The following HS3ST4 variants were observed in gnomAD, a reference collection of about 807,000 sequenced individuals.
HS3ST4 encodes the protein heparan sulfate-glucosamine 3-sulfotransferase 4.
Under a neutral mutation model 29.2 loss-of-function variants are expected in HS3ST4, and 17 were observed. The observed-to-expected ratio is 0.58, with a 90% CI of 0.40 to 0.87. The LOEUF is 0.87. HS3ST4 is among the 40% of genes least tolerant of loss of function. The pLI is 0.00. For missense variants in HS3ST4, 627 were observed against 634.5 expected (o/e 0.99, Z 0.13); for synonymous variants, 314 against 285.7 (o/e 1.10, Z -1.00).
At chr16:25,957,953 G>T (rs758752838) in intron 1 of HS3ST4, among the ~76,000 whole-genome samples, 1 of 152,094 alleles carries the variant, frequency 6.6e-6, no homozygotes, top group South Asian at 2.1e-4. Context: ...TTCTTGTAAG[G>T]AGGTCTCACA....
At chr16:25,794,973 C>CTTT (rs58579462) in intron 1 of HS3ST4, among the ~76,000 whole-genome samples, 13,721 of 125,968 alleles carry the variant, frequency 0.11, 1,145 homozygotes, top group East Asian at 0.2. Context: ...TTTTTCTTTA[C>CTTT]TTTTTTTTTT....
chr16:25,777,699 C>T (rs1401287280), intron 1 of HS3ST4, among the ~76,000 whole-genome samples: 1 of 152,108 alleles, frequency 6.6e-6, no homozygotes, highest in African/African-American at 2.4e-5. Context: ...ACCCAGGAGA[C>T]AGAAGTTGCA....
chr16:25,930,482 G>C (rs1000949090), intron 1 of HS3ST4, among the ~76,000 whole-genome samples: 1 of 152,168 alleles, frequency 6.6e-6, no homozygotes, highest in Non-Finnish European at 1.5e-5. Context: ...TTTGCCTAAT[G>C]CTTTAGAATT....
chr16:26,019,387 T>C (rs1289656793), intron 1 of HS3ST4, among the ~76,000 whole-genome samples: 1 of 152,244 alleles, frequency 6.6e-6, no homozygotes, highest in Non-Finnish European at 1.5e-5. Flanking sequence ...CATACAATAT[T>C]CTTATTAATC....
intron 1 of HS3ST4, among the ~76,000 whole-genome samples, chr16:25,753,892 G>A (rs898189769): frequency 2.6e-5 from 4 of 151,988 alleles, no homozygotes; most frequent in Admixed American, 6.6e-5. Flanking sequence ...CTGACACAAC[G>A]GTAGGTATAG....
intron 1 of HS3ST4, among the ~76,000 whole-genome samples, chr16:25,828,298 TTCCCTCTCTCTCTC>T (rs1967252696): frequency 1.1e-4 from 3 of 27,886 alleles, no homozygotes; most frequent in African/African-American, 2.9e-4. Context: ...CTTTCTTTCT[TTCCCTCTCTCTCTC>T]TCTCTCTCTC....
chr16:26,071,438 C>T (rs1188172830), intron 1 of HS3ST4, among the ~76,000 whole-genome samples: 1 of 152,120 alleles, frequency 6.6e-6, no homozygotes, highest in Non-Finnish European at 1.5e-5. Context: ...GGAAGTATTT[C>T]AGTGCTTCAA....
At chr16:25,976,921 T>C (rs1968949184) in intron 1 of HS3ST4, among the ~76,000 whole-genome samples, 1 of 25,938 alleles carries the variant, frequency 3.9e-5, no homozygotes, top group Non-Finnish European at 1.1e-4. Context: ...AAATTGCATG[T>C]AATTTTCACG....
intron 1 of HS3ST4, among the ~76,000 whole-genome samples, chr16:25,949,067 T>C (rs1270750043): frequency 1.3e-5 from 2 of 151,328 alleles, no homozygotes; most frequent in African/African-American, 4.9e-5. Context: ...TTTTTTAAAG[T>C]ATTTTTAGTT....
intron 1 of HS3ST4, among the ~76,000 whole-genome samples, chr16:25,904,486 G>A (rs1263305742): frequency 6.6e-6 from 1 of 152,118 alleles, no homozygotes; most frequent in African/African-American, 2.4e-5. Flanking sequence ...TAAATGGGAA[G>A]CATAAATCTC....
intron 1 of HS3ST4, among the ~76,000 whole-genome samples, chr16:25,940,201 AT>A (rs10577362): frequency 0.36 from 52,765 of 146,052 alleles, 9,724 homozygotes; most frequent in Admixed American, 0.47. Context: ...TCCAGATTTG[AT>A]TTTTTTTTTT....
At chr16:25,733,320 T>A (rs575251109) in intron 1 of HS3ST4, among the ~76,000 whole-genome samples, 29 of 152,318 alleles carry the variant, frequency 1.9e-4, no homozygotes, top group African/African-American at 6.5e-4. Context: ...CTTGTGAGCA[T>A]CTTGGTGGAG....
chr16:25,964,477 G>A (rs957115014), intron 1 of HS3ST4, among the ~76,000 whole-genome samples: 1 of 152,164 alleles, frequency 6.6e-6, no homozygotes, highest in Non-Finnish European at 1.5e-5. Context: ...TGAGATACTT[G>A]ATGTGTTTCA....
chr16:26,000,333 A>G (rs1380074520), intron 1 of HS3ST4, among the ~76,000 whole-genome samples: 10 of 152,160 alleles, frequency 6.6e-5, no homozygotes, highest in Admixed American at 6.6e-4. Context: ...TGATCTCTCT[A>G]CTTTTTGACA....
intron 1 of HS3ST4, among the ~76,000 whole-genome samples, chr16:26,072,081 A>G (rs1359379079): frequency 6.6e-6 from 1 of 152,160 alleles, no homozygotes. Flanking sequence ...GAATAGTTTG[A>G]GAAAGTCAGC....
At chr16:25,888,143 C>A (rs116274676) in intron 1 of HS3ST4, among the ~76,000 whole-genome samples, 5,535 of 152,122 alleles carry the variant, frequency 0.036, 134 homozygotes, top group African/African-American at 0.059. Context: ...AGTTGGCCTC[C>A]GCAGAGCAAG....
chr16:25,932,287 C>A (rs902620557), intron 1 of HS3ST4, among the ~76,000 whole-genome samples: 3 of 152,186 alleles, frequency 2.0e-5, no homozygotes, highest in African/African-American at 4.8e-5. Context: ...GCACTGCAGC[C>A]TGGCTGCAGG....
chr16:25,748,666 T>G (rs1966700010), intron 1 of HS3ST4, among the ~76,000 whole-genome samples: 1 of 152,202 alleles, frequency 6.6e-6, no homozygotes, highest in Non-Finnish European at 1.5e-5. Flanking sequence ...ATCCAAATAT[T>G]ATTCCATGTC....
At chr16:25,780,937 T>C (rs1370232964) in intron 1 of HS3ST4, among the ~76,000 whole-genome samples, 1 of 152,142 alleles carries the variant, frequency 6.6e-6, no homozygotes, top group Non-Finnish European at 1.5e-5. Context: ...CCCACTGACT[T>C]ACCGGTACCT....
Sources: gnomAD v4.1 joint callset for allele counts (sites outside exome capture counted in the v4.1 genomes callset) on GRCh38, gnomAD v4.1.1 for gene constraint, MANE v1.5 for transcripts, NCBI Gene and HGNC (gene_info 2026-07-23, HGNC 2026-07-21) for gene names.